Variants in GTF2I observed in about 807,000 individuals in gnomAD.
GTF2I encodes general transcription factor IIi.
Under a neutral mutation model 67.6 loss-of-function variants are expected in GTF2I, and 12 were observed. The ratio of observed to expected loss-of-function variants is 0.18; its 90% CI spans 0.11 to 0.29. The LOEUF (loss-of-function observed/expected upper bound fraction) is 0.29. Among genes scored for constraint, GTF2I ranks in the 10% least tolerant of loss-of-function variants. GTF2I has a pLI of 1.00. For synonymous variants in GTF2I, 149 were observed against 197.0 expected (o/e 0.76, Z 2.04); for missense variants, 271 against 580.1 (o/e 0.47, Z 5.47).
intron 1 of GTF2I, among the ~76,000 whole-genome samples, chr7:74,673,992 A>C (rs1458240638): frequency 7.2e-5 from 11 of 151,874 alleles, no homozygotes; most frequent in African/African-American, 2.7e-4. Flanking sequence ...AACTATTTTT[A>C]AAAGAAGAAA....
intron 1 of GTF2I, among the ~76,000 whole-genome samples, chr7:74,674,400 A>C (rs1805719943): frequency 1.3e-5 from 2 of 152,156 alleles, no homozygotes; most frequent in African/African-American, 4.8e-5. Flanking sequence ...TAGTTGCAAG[A>C]ACAGCAAATA....
intron 1 of GTF2I, among the ~76,000 whole-genome samples, chr7:74,666,620 T>G (rs1170267791): frequency 1.3e-5 from 2 of 151,654 alleles, no homozygotes; most frequent in Non-Finnish European, 2.9e-5. Context: ...TCACTTGAGG[T>G]CAGGAGTTTG....
At chr7:74,750,682 A>C (rs1554409840) in intron 26 of GTF2I, among the ~76,000 whole-genome samples, 1 of 72,770 alleles carries the variant, frequency 1.4e-5, no homozygotes, top group Non-Finnish European at 2.3e-5. Flanking sequence ...ATATCGGCTT[A>C]CTGCAAATTC....
chr7:74,685,067 T>G (rs1403675145), intron 1 of GTF2I, among the ~76,000 whole-genome samples: 2 of 152,230 alleles, frequency 1.3e-5, no homozygotes, highest in Admixed American at 6.5e-5. Flanking sequence ...AATACAGTAG[T>G]GGCCTGCAAG....
chr7:74,716,446 G>A lies in GTF2I; in HGVS notation c.824-448G>A, dbSNP rs587740560. 1.8e-3 allele frequency among the ~76,000 whole-genome samples: 280 copies of A among 152,192 alleles called. 1 individual carries two copies. The highest frequency in any genetic ancestry group is 2.7e-3 in the Non-Finnish European group (184 of 67,936). ...CCATGGCTTTCACCATAGTGAAAATGGAAAGCATGAAACATTCCACAGCAA... is the reference window on the plus strand; with the variant it reads ...CCATGGCTTTCACCATAGTGAAAATAGAAAGCATGAAACATTCCACAGCAA... On this transcript the variant is annotated intron_variant, in intron 10 of 34. Coordinates refer to ENST00000573035, the MANE Select transcript of GTF2I (RefSeq NM_032999.4).
intron 10 of GTF2I, 30 bp from the exon 11 acceptor site, chr7:74,716,864 T>C (rs369182532): frequency 2.7e-6 from 4 of 1,497,022 alleles, no homozygotes; most frequent in South Asian, 1.1e-5. Context: ...TTTTTATTGG[T>C]TTATTATATG....
At chr7:74,667,412 C>T (rs1012819912) in intron 1 of GTF2I, among the ~76,000 whole-genome samples, 3 of 152,152 alleles carry the variant, frequency 2.0e-5, no homozygotes, top group Non-Finnish European at 4.4e-5. Context: ...GCCATTTACA[C>T]CGTGAATGCC....
Position 74,710,920 on chromosome 7 carries a change from A to G in GTF2I, c.686-112A>G, listed in dbSNP as rs1791462111. The G allele has an allele frequency of 3.7e-5, 21 of 566,116 alleles. No individual in the cohort carries two copies. The South Asian group carries it at 4.9e-4, about 13-fold the overall frequency. 35.1% of individuals were successfully genotyped at this position (566,116 alleles called of 1,614,324 possible). ...GTCTTTTCAAAGACGTAAAGTCTTT[A>G]CTTAAAATAAATATGCATTGCTGTA... On this transcript the variant is annotated intron_variant, in intron 8 of 34. Coordinates refer to ENST00000573035, the MANE Select transcript of GTF2I (RefSeq NM_032999.4).
intron 8 of GTF2I, among the ~76,000 whole-genome samples, chr7:74,707,938 A>G (rs1219372996): frequency 6.6e-6 from 1 of 151,960 alleles, no homozygotes; most frequent in Non-Finnish European, 1.5e-5. Flanking sequence ...AATAAGATGT[A>G]CATTTATAGC....
intron 6 of GTF2I, among the ~76,000 whole-genome samples, chr7:74,703,658 G>A (rs1790151534): frequency 6.6e-6 from 1 of 152,206 alleles, no homozygotes; most frequent in African/African-American, 2.4e-5. Context: ...GGGATTATAG[G>A]CGTGAGCCAC....
Position 74,657,936 on chromosome 7 carries a change from TCTCGCCTCCCGTCCG to T in GTF2I, c.-131_-117del, listed in dbSNP as rs1310403410. ...CGACACGCACGGGCCCCTCGCCCCCTCTCGCCTCCCGTCCGCTCGCCAGCTCCCCTCAGCCGAGGC... is the reference window on the plus strand; with the variant it reads ...CGACACGCACGGGCCCCTCGCCCCCTCTCGCCAGCTCCCCTCAGCCGAGGC... On this transcript the variant is annotated 5_prime_UTR_variant, in exon 1 of 35. Transcript: ENST00000573035. 2 of 151,760 alleles carry T rather than the reference TCTCGCCTCCCGTCCG, an allele frequency of 1.3e-5. No homozygotes were observed. Among genetic ancestry groups the T allele is most frequent in the Non-Finnish European group, 2.9e-5 (2 of 68,132 alleles). 9.4% of individuals were successfully genotyped at this position (151,760 alleles called of 1,614,324 possible). A position where few individuals can be genotyped will look rare whatever the true frequency, so the allele number is the denominator to read the frequency against.
intron 3 of GTF2I, among the ~76,000 whole-genome samples, chr7:74,698,598 G>A (rs1554398991): frequency 2.0e-5 from 3 of 151,846 alleles, no homozygotes; most frequent in East Asian, 3.9e-4. Context: ...TTTTTGCAGA[G>A]ATGTGTCCTT....
intron 14 of GTF2I, among the ~76,000 whole-genome samples, chr7:74,730,913 G>T (rs1214144122): frequency 7.4e-6 from 1 of 134,400 alleles, no homozygotes; most frequent in Non-Finnish European, 1.6e-5. Flanking sequence ...CACCATGTTG[G>T]CCAGGCTTGT....
chr7:74,693,882 T>TA, intron 3 of GTF2I, among the ~76,000 whole-genome samples: 1 of 152,116 alleles, frequency 6.6e-6, no homozygotes, highest in East Asian at 1.9e-4. Context: ...TTAATAGACC[T>TA]ATAGTGGCCT....
intron 1 of GTF2I, among the ~76,000 whole-genome samples, chr7:74,687,087 C>T (rs782143815): frequency 2.0e-5 from 3 of 151,824 alleles, no homozygotes; most frequent in Non-Finnish European, 4.4e-5. Flanking sequence ...GACAGTGTTT[C>T]GCCACATTGC....
chr7:74,680,149 T>C (rs953259674), intron 1 of GTF2I, among the ~76,000 whole-genome samples: 2 of 139,552 alleles, frequency 1.4e-5, no homozygotes, highest in Non-Finnish European at 3.0e-5. Flanking sequence ...CATATATATA[T>C]GTATGTATAT....
In GTF2I at chr7:74,700,308, G is replaced by C. The variant is rs782450205; in HGVS notation, c.435G>C (p.Gln145His). The C allele has an allele frequency of 2.5e-6, 4 of 1,614,036 alleles. No individual in the cohort carries two copies. Among genetic ancestry groups the C allele is most frequent in the Non-Finnish European group, 3.4e-6 (4 of 1,180,030 alleles). Residue 145 changes from glutamine to histidine, a missense_variant, in exon 5 of 35, where the codon CAG becomes CAC. Gln to His is a conservative substitution (Grantham distance 24). Around this residue, in one of 9 missense-constraint regions of GTF2I, gnomAD observed 38 missense variants for 87.8 expected, o/e 0.43. Transcript: ENST00000573035. ...PVPYEKMLRDQSAVVVQGLPE... is the reference protein window; with the variant it reads ...PVPYEKMLRDHSAVVVQGLPE... ...CATATGAGAAGATGCTGCGAGACCA[G>C]TCGGCTGTGGTAGTGCAGGGGCTTC...
At chr7:74,679,612 G>A (rs1787035305) in intron 1 of GTF2I, among the ~76,000 whole-genome samples, 1 of 152,170 alleles carries the variant, frequency 6.6e-6, no homozygotes, top group Non-Finnish European at 1.5e-5. Context: ...TTTAAAACCT[G>A]CCATTCTTTG....
chr7:74,675,404 T>A (rs1290287992), intron 1 of GTF2I, among the ~76,000 whole-genome samples: 1 of 152,176 alleles, frequency 6.6e-6, no homozygotes, highest in East Asian at 1.9e-4. Context: ...TACGATGGGA[T>A]GTGCCATGTT....
Sources: gnomAD v4.1 joint callset for allele counts (sites outside exome capture counted in the v4.1 genomes callset) on GRCh38, gnomAD v4.1.1 for gene constraint, gnomAD v4.1.1 regional missense constraint, MANE v1.5 for transcripts, NCBI Gene and HGNC (gene_info 2026-07-23, HGNC 2026-07-21) for gene names.